Variants in DTNA observed in about 807,000 individuals in gnomAD.
DTNA encodes the protein dystrophin-related protein 3.
In DTNA, 43 loss-of-function variants were observed where a neutral mutation model predicts 100.7. The ratio of observed to expected loss-of-function variants is 0.43; its 90% confidence interval spans 0.33 to 0.55. The LOEUF is 0.55. Among genes scored for constraint, DTNA ranks in the 20% least tolerant of loss-of-function variants. DTNA has a pLI of 0.04. For missense variants in DTNA, 798 were observed against 953.9 expected, an observed-to-expected ratio of 0.84 and a Z score of 2.15; for synonymous variants, 349 against 347.9, an observed-to-expected ratio of 1.00 and a Z score of -0.04.
intron 1 of DTNA, among the ~76,000 whole-genome samples, chr18:34,610,032 ATATT>A (rs997870964): frequency 3.3e-5 from 5 of 150,608 alleles, no homozygotes; most frequent in Admixed American, 3.3e-4. Context: ...ATATATATAT[ATATT>A]ATTTTCAGTC....
chr18:34,709,484 A>G (rs12963825), upstream of DTNA: 20,768 of 152,168 alleles, frequency 0.14, 1,873 homozygotes, highest in African/African-American at 0.25. Flanking sequence ...GGACTCCTTC[A>G]GCTTTTCCCT....
chr18:34,575,348 T>A (rs1271588158), intron 1 of DTNA, among the ~76,000 whole-genome samples: 1 of 152,232 alleles, frequency 6.6e-6, no homozygotes, highest in Non-Finnish European at 1.5e-5. Flanking sequence ...TATACGTGAT[T>A]CTTCAAAACT....
rs536417615 is a variant in DTNA, at chr18:34,659,362, G to A, written c.-1-96614G>A. Among the ~76,000 whole-genome samples the A allele has an allele frequency of 3.1e-3, 471 of 152,120 alleles. 2 individuals are homozygous for A. The highest frequency in any genetic ancestry group is 0.011 in the African/African-American group (439 of 41,502). ...CTTTTATTCCTTTTTTGTACTGTAT[G>A]CTTGAAATCCTGTGTAGATTTTACA... On this transcript the variant is annotated intron_variant, in intron 1 of 19. Coordinates refer to the DTNA transcript ENST00000283365.
chr18:34,829,753 A>C (rs1418956206), intron 11 of DTNA, among the ~76,000 whole-genome samples: 1 of 152,206 alleles, frequency 6.6e-6, no homozygotes, highest in Non-Finnish European at 1.5e-5. Context: ...ATCAAGCTGG[A>C]TCTTGTTTGG....
intron 1 of DTNA, among the ~76,000 whole-genome samples, chr18:34,534,526 G>A (rs559523608): frequency 8.6e-5 from 13 of 152,032 alleles, no homozygotes; most frequent in African/African-American, 2.4e-4. Flanking sequence ...CACAGAACAT[G>A]CAGGTTTGTT....
intron 1 of DTNA, among the ~76,000 whole-genome samples, chr18:34,646,137 A>C (rs902208529): frequency 2.6e-5 from 4 of 152,192 alleles, no homozygotes; most frequent in African/African-American, 9.6e-5. Context: ...CAATATTTTA[A>C]AAGGTCATCT....
At chr18:34,800,294 C>A (rs2095158859) in intron 4 of DTNA, among the ~76,000 whole-genome samples, 1 of 152,116 alleles carries the variant, frequency 6.6e-6, no homozygotes, top group African/African-American at 2.4e-5. Flanking sequence ...AGATGAGATA[C>A]CCTTGGAAAA....
intron 1 of DTNA, among the ~76,000 whole-genome samples, chr18:34,610,732 C>G (rs1453804316): frequency 6.6e-6 from 1 of 152,096 alleles, no homozygotes; most frequent in Admixed American, 6.6e-5. Context: ...AGAACAAAAG[C>G]CTTCCTGTAA....
chr18:34,591,085 G>A (rs2049672096), intron 1 of DTNA, among the ~76,000 whole-genome samples: 1 of 151,956 alleles, frequency 6.6e-6, no homozygotes, highest in Non-Finnish European at 1.5e-5. Context: ...ACTCATTACT[G>A]GGAAATATTA....
intron 17 of DTNA, chr18:34,866,431 G>C (rs989737294): frequency 7.8e-7 from 1 of 1,285,784 alleles, no homozygotes; most frequent in East Asian, 3.8e-5. Flanking sequence ...TTTCAAACCA[G>C]TCTTAGCTTT....
intron 1 of DTNA, among the ~76,000 whole-genome samples, chr18:34,644,889 G>C (rs961426078): frequency 1.8e-4 from 28 of 152,046 alleles, no homozygotes; most frequent in Non-Finnish European, 3.1e-4. Flanking sequence ...TCTTTCTAAT[G>C]TTCCCTGTAC....
intron 1 of DTNA, among the ~76,000 whole-genome samples, chr18:34,640,177 C>T (rs1031458024): frequency 6.6e-6 from 1 of 152,146 alleles, no homozygotes; most frequent in African/African-American, 2.4e-5. Flanking sequence ...TGATTATCAC[C>T]ATTTTGTCAG....
intron 1 of DTNA, among the ~76,000 whole-genome samples, chr18:34,696,941 A>G (rs1028733436): frequency 6.6e-6 from 1 of 152,190 alleles, no homozygotes; most frequent in African/African-American, 2.4e-5. Flanking sequence ...GGGAACATTT[A>G]GCAATATCTG....
In DTNA at chr18:34,750,062, G is replaced by T. The variant is rs17668259; in HGVS notation, c.-1-5914G>T. Reference sequence around the variant, plus strand: ...CAGCAGTTGGGGATTGCTGAACCCAGCATTTTCTTTTCATTCACCTGGAGC... The same window carrying T: ...CAGCAGTTGGGGATTGCTGAACCCATCATTTTCTTTTCATTCACCTGGAGC... On this transcript the variant is annotated intron_variant, in intron 1 of 22. Transcript: ENST00000444659. Among the ~76,000 whole-genome samples the T allele has an allele frequency of 5.5e-3, 845 of 152,274 alleles. 22 individuals carry two copies. The highest frequency in any genetic ancestry group is 0.04 in the Admixed American group (607 of 15,284).
At chr18:34,665,562 A>G (rs1488371426) in intron 1 of DTNA, among the ~76,000 whole-genome samples, 9 of 152,054 alleles carry the variant, frequency 5.9e-5, no homozygotes, top group Non-Finnish European at 1.2e-4. Context: ...TCCTAATGCT[A>G]TCCCTCCCCA....
At chr18:34,525,941 T>G (rs1370514545) in intron 1 of DTNA, among the ~76,000 whole-genome samples, 1 of 152,190 alleles carries the variant, frequency 6.6e-6, no homozygotes, top group African/African-American at 2.4e-5. Context: ...AGTCCCCTGT[T>G]GCCTAGCTCA....
At chr18:34,738,925 A>G (rs776931384) in intron 1 of DTNA, among the ~76,000 whole-genome samples, 1 of 152,156 alleles carries the variant, frequency 6.6e-6, no homozygotes, top group East Asian at 1.9e-4. Context: ...TACAACTTTT[A>G]TTTTAGATTC....
chr18:34,836,180 A>C (rs2096139232), intron 11 of DTNA, among the ~76,000 whole-genome samples: 2 of 152,164 alleles, frequency 1.3e-5, no homozygotes, highest in Admixed American at 6.5e-5. Flanking sequence ...ATCACAGAAA[A>C]CAGAAACAGT....
intron 1 of DTNA, among the ~76,000 whole-genome samples, chr18:34,619,647 G>A (rs898941674): frequency 6.6e-6 from 1 of 152,166 alleles, no homozygotes; most frequent in Non-Finnish European, 1.5e-5. Context: ...CATCCACTGT[G>A]ATAGAGGATG....
Sources: allele counts gnomAD v4.1 joint callset (sites outside exome capture counted in the v4.1 genomes callset), GRCh38; gene constraint gnomAD v4.1.1; transcripts MANE v1.5; gene names NCBI Gene and HGNC (gene_info 2026-07-23, HGNC 2026-07-21).